NFIX: variants seen among roughly 807,000 people sequenced by gnomAD.
The protein encoded by NFIX is nuclear factor 1 X-type.
Under a neutral mutation model 53.3 loss-of-function variants are expected in NFIX, and 2 were observed. The observed-to-expected ratio is 0.04, with a 90% CI of 0.02 to 0.12. The LOEUF is 0.12. Among genes scored for constraint, NFIX ranks in the 10% least tolerant of loss-of-function variants. NFIX has a pLI of 1.00. For synonymous variants in NFIX, 244 were observed against 289.0 expected, an observed-to-expected ratio of 0.84 and a Z score of 1.58; for missense variants, 310 against 674.5, an observed-to-expected ratio of 0.46 and a Z score of 5.99.
intron 2 of NFIX, chr19:13,070,148 C>G (rs2016684481): frequency 6.6e-6 from 1 of 152,282 alleles, no homozygotes; most frequent in Non-Finnish European, 1.5e-5. Flanking sequence ...CCCCAGGAGC[C>G]CTTTCACCAT....
chr19:13,067,298 G>C lies in NFIX; in HGVS notation c.560-5749G>C, dbSNP rs909556513. Reference sequence around the variant, plus strand: ...TGGAATGTCAGGCCTGGGAGGGCCAGGGGATGGGCAGGCACACCCCAAGGG... The same window carrying C: ...TGGAATGTCAGGCCTGGGAGGGCCACGGGATGGGCAGGCACACCCCAAGGG... On this transcript the variant is annotated intron_variant, in intron 2 of 10. Transcript: ENST00000592199. The surrounding 1 kb of genome is among the most constrained non-coding windows in gnomAD (Gnocchi z 4.2). Among the ~76,000 whole-genome samples the C allele has an allele frequency of 6.6e-6, 1 of 152,188 alleles. No individual in the cohort carries two copies. Among genetic ancestry groups the C allele is most frequent in the African/African-American group, 2.4e-5 (1 of 41,446 alleles).
At chr19:13,054,917 TG>T (rs1455736427) in intron 2 of NFIX, among the ~76,000 whole-genome samples, 2 of 152,136 alleles carry the variant, frequency 1.3e-5, no homozygotes, top group South Asian at 4.1e-4. Context: ...ATCACTGCTT[TG>T]GGGGGTTTTC....
intron 2 of NFIX, among the ~76,000 whole-genome samples, chr19:13,050,571 C>G (rs775415482): frequency 1.3e-5 from 2 of 152,142 alleles, no homozygotes; most frequent in African/African-American, 2.4e-5. Flanking sequence ...AACTTTAAGG[C>G]ACTGCATGTG....
At chr19:13,074,851 C>T (rs1270160125) in intron 5 of NFIX, among the ~76,000 whole-genome samples, 2 of 151,530 alleles carry the variant, frequency 1.3e-5, no homozygotes, top group East Asian at 1.9e-4. Context: ...GGGCGGATCA[C>T]GAGGTCAGGA....
At position 13,094,351 on chromosome 19, in the gene NFIX, G is replaced by A. The variant is rs2018314865; in HGVS notation, c.1495-284G>A. Among the ~76,000 whole-genome samples, 1 of 152,190 alleles carries A rather than the reference G, an allele frequency of 6.6e-6. No homozygotes were observed. ...GGCCAGATCTCAGGCCTGTGCCAGC[G>A]CCAGCCATGGGGGTCCCACCCGCTG... On this transcript the variant is annotated intron_variant, in intron 10 of 10. Coordinates refer to ENST00000592199, the MANE Select transcript of NFIX (RefSeq NM_001365902.3). This position sits in a 1 kb window ranked among gnomAD's most constrained non-coding sequence, Gnocchi z 4.3.
chr19:13,016,025 G>A (rs2012648467), intron 1 of NFIX, among the ~76,000 whole-genome samples: 3 of 152,170 alleles, frequency 2.0e-5, no homozygotes, highest in African/African-American at 4.8e-5. Flanking sequence ...TTGTTCAGCG[G>A]TGCTGAAAAT....
chr19:13,059,116 A>G (rs1336485332), intron 2 of NFIX, among the ~76,000 whole-genome samples: 2 of 152,200 alleles, frequency 1.3e-5, no homozygotes, highest in Non-Finnish European at 2.9e-5. Context: ...TTTCACATGC[A>G]CTCACACACA....
chr19:13,088,187 C>T lies in NFIX; in HGVS notation c.1402+51C>T. 6.5e-7 allele frequency: 1 copy of T among 1,531,938 alleles called. No homozygotes were observed. The highest frequency in any genetic ancestry group is 8.7e-7 in the Non-Finnish European group (1 of 1,143,506). The allele number at this position is 1,531,938 out of a possible 1,614,324, so 94.9% of individuals were successfully genotyped here. A position where few individuals can be genotyped will look rare whatever the true frequency, so the allele number is the denominator to read the frequency against. ...ACAACGCCCAGCGTCCCCGGCCCGT[C>T]CAAACAGTCTCCACTGCAAAAAGAA... On this transcript the variant is annotated intron_variant, in intron 9 of 10. Transcript: ENST00000592199. The surrounding 1 kb of genome is among the most constrained non-coding windows in gnomAD (Gnocchi z 5.9).
At chr19:13,087,307 C>T (rs955755237) in intron 8 of NFIX, among the ~76,000 whole-genome samples, 1 of 152,140 alleles carries the variant, frequency 6.6e-6, no homozygotes, top group African/African-American at 2.4e-5. Flanking sequence ...CGTCTGAGGG[C>T]GTTGTACAGG....
At chr19:13,041,684 C>T (rs2014630120) in intron 2 of NFIX, among the ~76,000 whole-genome samples, 1 of 151,670 alleles carries the variant, frequency 6.6e-6, no homozygotes. Flanking sequence ...ATCTCAGCTG[C>T]TCAGGAGGCT....
rs367591626 is a variant in NFIX, at chr19:13,073,087, G to A, written c.600G>A (p.Ala200=). The A allele has an allele frequency of 3.3e-5, 53 of 1,613,962 alleles. 1 individual carries two copies. In the Middle Eastern group the frequency reaches 6.6e-4, roughly 20 times the overall value. ...QSDSSNQQGD[A]DIKPLPNGHL... ...ATAGTTCAAACCAGCAAGGAGATGC[G>A]GACATCAAACCACTGCCCAACGGTC... The change falls in exon 3 of 11, where the codon GCG becomes GCA. Residue 200 remains alanine, a synonymous_variant. Transcript: ENST00000592199. This position sits in a 1 kb window ranked among gnomAD's most constrained non-coding sequence, Gnocchi z 4.5.
In NFIX at chr19:13,001,480, A is replaced by G. The variant is rs2145131489; in HGVS notation, c.27+5616A>G. On this transcript the variant is annotated intron_variant, in intron 1 of 10. Coordinates refer to ENST00000592199, the MANE Select transcript of NFIX (RefSeq NM_001365902.3). The surrounding 1 kb of genome is among the most constrained non-coding windows in gnomAD (Gnocchi z 6.5). ...GGTGGCGCTGCGCACGTCAACGGGT[A>G]TTGGTGTACCGGTCACCATCTTTGT... Among the ~76,000 whole-genome samples the G allele has an allele frequency of 6.6e-6, 1 of 152,094 alleles. No individual in the cohort carries two copies. The highest frequency in any genetic ancestry group is 3.4e-3 in the Middle Eastern group (1 of 294).
Position 13,011,781 on chromosome 19 carries a change from A to G in NFIX, c.28-13240A>G, listed in dbSNP as rs970739185. 1.3e-5 allele frequency among the ~76,000 whole-genome samples: 2 copies of G among 152,150 alleles called. No individual in the cohort carries two copies. The highest frequency in any genetic ancestry group is 4.8e-5 in the African/African-American group (2 of 41,416). The stretch of plus-strand genomic sequence containing the variant: ...CCCTCCGCCAAGTGCGCCCCTCGAC[A>G]GGTGCCCGTCGCCCACAGGCTCCTT... On this transcript the variant is annotated intron_variant, in intron 1 of 10. Transcript: ENST00000592199. This position sits in a 1 kb window ranked among gnomAD's most constrained non-coding sequence, Gnocchi z 6.5.
rs1206913219 is a variant in NFIX at position 12,995,665 on chromosome 19, C to G, written c.-173C>G. On this transcript the variant is annotated 5_prime_UTR_variant, in exon 1 of 11. Coordinates refer to ENST00000592199, the MANE Select transcript of NFIX (RefSeq NM_001365902.3). ...CCCGGAGCCGGCGGGGCCGAGCTTGCGAGCGGCGAGCGCGGAGCGGCGCCG... is the reference window on the plus strand; with the variant it reads ...CCCGGAGCCGGCGGGGCCGAGCTTGGGAGCGGCGAGCGCGGAGCGGCGCCG... 1 of 144,792 alleles carries G rather than the reference C, an allele frequency of 6.9e-6. No homozygotes were observed. The highest frequency in any genetic ancestry group is 1.5e-5 in the Non-Finnish European group (1 of 66,368). The allele number at this position is 144,792 out of a possible 1,614,324, so 9.0% of individuals were successfully genotyped here. A position where few individuals can be genotyped will look rare whatever the true frequency, so the allele number is the denominator to read the frequency against.
chr19:13,034,060 C>T (rs2014004896), intron 2 of NFIX, among the ~76,000 whole-genome samples: 2 of 152,154 alleles, frequency 1.3e-5, no homozygotes, highest in African/African-American at 4.8e-5. Flanking sequence ...CAGAAGGGGC[C>T]GGCTTCTAGG....
Position 13,037,597 on chromosome 19 carries a change from G to A in NFIX, c.559+12045G>A, listed in dbSNP as rs981390453. The stretch of plus-strand genomic sequence containing the variant: ...GCCCTGAGCATAGAGGAGGAAATTT[G>A]CCTTTGGCAGATGAGGGGATTGGAA... On this transcript the variant is annotated intron_variant, in intron 2 of 10. Coordinates refer to ENST00000592199, the MANE Select transcript of NFIX (RefSeq NM_001365902.3). The surrounding 1 kb of genome is among the most constrained non-coding windows in gnomAD (Gnocchi z 4.2). Among the ~76,000 whole-genome samples the A allele has an allele frequency of 2.0e-5, 3 of 152,298 alleles. No homozygotes were observed. Among genetic ancestry groups the A allele is most frequent in the Middle Eastern group, 6.8e-3 (2 of 294 alleles).
intron 7 of NFIX, among the ~76,000 whole-genome samples, chr19:13,080,113 G>A (rs1247670279): frequency 1.3e-5 from 2 of 152,220 alleles, no homozygotes; most frequent in Admixed American, 6.5e-5. Context: ...GGCAGGGCTA[G>A]TGAGGCACTC....
intron 2 of NFIX, among the ~76,000 whole-genome samples, chr19:13,054,141 G>A (rs139613060): frequency 2.0e-5 from 3 of 152,262 alleles, no homozygotes; most frequent in Middle Eastern, 3.4e-3. Context: ...CCCAGTTCCC[G>A]TCTCTACCGT....
intron 1 of NFIX, among the ~76,000 whole-genome samples, chr19:13,019,731 GT>G (rs60597655): frequency 0.13 from 17,264 of 129,686 alleles, 1,200 homozygotes; most frequent in Middle Eastern, 0.33. Flanking sequence ...TTGTTTGTTT[GT>G]TTTTTTTTTT....
Sources: gnomAD v4.1 joint callset for allele counts (sites outside exome capture counted in the v4.1 genomes callset) on GRCh38, gnomAD v4.1.1 for gene constraint, Gnocchi (gnomAD v3.1) non-coding constraint, MANE v1.5 for transcripts, NCBI Gene and HGNC (gene_info 2026-07-23, HGNC 2026-07-21) for gene names.